PRDM11: variants seen among roughly 807,000 people sequenced by gnomAD.
PRDM11 encodes the protein PR domain-containing protein 11.
In PRDM11, 20 loss-of-function variants were observed where a neutral mutation model predicts 97.8. That is an observed-to-expected ratio of 0.20 (90% CI 0.14 to 0.30). PRDM11 has a LOEUF of 0.30. PRDM11 is among the 10% of genes least tolerant of loss of function. The pLI, the probability that PRDM11 is intolerant of heterozygous loss-of-function variation, is 1.00. For missense variants in PRDM11, 1,139 were observed against 1,555.2 expected, an observed-to-expected ratio of 0.73 and a Z score of 4.50; for synonymous variants, 599 against 637.7, an observed-to-expected ratio of 0.94 and a Z score of 0.91.
chr11:45,114,536 C>T (rs1446987300), intron 1 of PRDM11, among the ~76,000 whole-genome samples: 1 of 152,046 alleles, frequency 6.6e-6, no homozygotes, highest in African/African-American at 2.4e-5. Context: ...GATAAACTGT[C>T]CCAAACTTGG....
intron 1 of PRDM11, among the ~76,000 whole-genome samples, chr11:45,176,946 G>A (rs1852340931): frequency 6.6e-6 from 1 of 152,244 alleles, no homozygotes; most frequent in Admixed American, 6.5e-5. Flanking sequence ...AGCACAGCCA[G>A]AACTGAGACC....
intron 1 of PRDM11, among the ~76,000 whole-genome samples, chr11:45,119,660 G>A (rs906451472): frequency 6.2e-4 from 89 of 143,692 alleles, no homozygotes; most frequent in African/African-American, 2.3e-3. Context: ...CACCTGGTAA[G>A]GCCATACCAG....
chr11:45,201,014 G>A (rs1032122805), intron 4 of PRDM11, among the ~76,000 whole-genome samples: 10 of 152,148 alleles, frequency 6.6e-5, no homozygotes, highest in African/African-American at 2.4e-4. Context: ...GTGATGGTGA[G>A]GCAATGTGCC....
intron 1 of PRDM11, among the ~76,000 whole-genome samples, chr11:45,178,501 C>T (rs1852385307): frequency 6.6e-6 from 1 of 152,240 alleles, no homozygotes; most frequent in African/African-American, 2.4e-5. Context: ...ACTACCTGCT[C>T]TGCCTGGCGG....
chr11:45,161,984 TGA>T (rs549249386), intron 1 of PRDM11, among the ~76,000 whole-genome samples: 149 of 152,360 alleles, frequency 9.8e-4, no homozygotes, highest in African/African-American at 3.5e-3. Context: ...TTCTTTTTCA[TGA>T]GGCGACCTAA....
Position 45,227,924 on chromosome 11 carries a change from A to G in PRDM11, c.3299A>G (p.Lys1100Arg), listed in dbSNP as rs1854315731. 1 of 1,533,934 alleles carries G rather than the reference A, an allele frequency of 6.5e-7. No individual in the cohort carries two copies. Among genetic ancestry groups the G allele is most frequent in the African/African-American group, 1.4e-5 (1 of 73,094 alleles). ...CGCAATGCCCTCCAGCGAGTTCGCA[A>G]AAACCACCGCTCCCGCCTGACCCTG... ...KGRNALQRVR[K>R]NHRSRLTLEQ... The change falls in exon 8 of 8, where the codon AAA becomes AGA. Residue 1100 changes from lysine to arginine, a missense_variant. By Grantham distance (26) the Lys-to-Arg change is conservative. Coordinates refer to ENST00000683152, the MANE Select transcript of PRDM11 (RefSeq NM_001384648.1). This position sits in a 1 kb window ranked among gnomAD's most constrained non-coding sequence, Gnocchi z 8.0.
intron 4 of PRDM11, among the ~76,000 whole-genome samples, chr11:45,191,914 G>A (rs1852927340): frequency 6.6e-6 from 1 of 152,028 alleles, no homozygotes; most frequent in Non-Finnish European, 1.5e-5. Context: ...ATGTGCCATG[G>A]TGGTTTGCTG....
At chr11:45,164,245 C>A (rs2129679) in intron 1 of PRDM11, among the ~76,000 whole-genome samples, 1 of 152,176 alleles carries the variant, frequency 6.6e-6, no homozygotes, top group Non-Finnish European at 1.5e-5. Flanking sequence ...TCAGGGAAAG[C>A]GCTGGAAGCC....
intron 1 of PRDM11, among the ~76,000 whole-genome samples, chr11:45,117,829 G>C (rs944056289): frequency 6.6e-6 from 1 of 152,154 alleles, no homozygotes; most frequent in Non-Finnish European, 1.5e-5. Context: ...ACTTCGTTCC[G>C]ACGAGTACAG....
Position 45,121,368 on chromosome 11 carries a change from T to C in PRDM11, c.96+25467T>C, listed in dbSNP as rs531068112. Among the ~76,000 whole-genome samples the C allele has an allele frequency of 5.9e-5, 9 of 152,292 alleles. No individual in the cohort carries two copies. In the South Asian group the frequency reaches 1.9e-3, roughly 32 times the overall value. ...AAAAGCTGGTGTGGTTATATTACTA[T>C]CTGATAAAGTAGACTTAAAGAAGTA... is the stretch of plus-strand genomic sequence containing the variant. On this transcript the variant is annotated intron_variant, in intron 1 of 6. Transcript: ENST00000530656.
chr11:45,225,402 G>A (rs1388773003), intron 7 of PRDM11, among the ~76,000 whole-genome samples: 7 of 152,190 alleles, frequency 4.6e-5, no homozygotes, highest in African/African-American at 1.7e-4. Context: ...TCTAGAGTTG[G>A]TTGACAACTA....
chr11:45,221,457 ACC>A (rs757567752), intron 6 of PRDM11, among the ~76,000 whole-genome samples: 3 of 152,190 alleles, frequency 2.0e-5, no homozygotes, highest in Non-Finnish European at 4.4e-5. Flanking sequence ...AGAAAAGAAA[ACC>A]CAGAGAAATC....
chr11:45,100,546 G>A (rs941275093), intron 1 of PRDM11, among the ~76,000 whole-genome samples: 31 of 152,196 alleles, frequency 2.0e-4, no homozygotes, highest in African/African-American at 7.5e-4. Flanking sequence ...CCCACCCACT[G>A]GTGCTCATCA....
At chr11:45,145,247 T>TCA (rs1365878315), upstream of PRDM11, among the ~76,000 whole-genome samples, 1 of 152,152 alleles carries the variant, frequency 6.6e-6, no homozygotes, top group Non-Finnish European at 1.5e-5. Context: ...TTGCTCCAGA[T>TCA]CACACAGCCA....
At position 45,219,883 on chromosome 11, in the gene PRDM11, G is replaced by T; in HGVS notation, c.742+126G>T. On this transcript the variant is annotated intron_variant, in intron 6 of 7. Transcript: ENST00000683152. This position sits in a 1 kb window ranked among gnomAD's most constrained non-coding sequence, Gnocchi z 4.2. ...TGGGAAGACCCAGAGTGATTCGGGG[G>T]AACAGATGGTTGAGGTCTGAGCAGC... 2 of 1,195,898 alleles carry T rather than the reference G, an allele frequency of 1.7e-6. No homozygotes were observed. Among genetic ancestry groups the T allele is most frequent in the Non-Finnish European group, 2.3e-6 (2 of 877,286 alleles). 74.1% of individuals were successfully genotyped at this position (1,195,898 alleles called of 1,614,324 possible).
At chr11:45,200,745 G>T (rs546622646) in intron 4 of PRDM11, among the ~76,000 whole-genome samples, 1 of 152,326 alleles carries the variant, frequency 6.6e-6, no homozygotes, top group East Asian at 1.9e-4. Flanking sequence ...GCAGACTGGA[G>T]CATCACTTGG....
chr11:45,158,307 T>C (rs1462056761), intron 1 of PRDM11, among the ~76,000 whole-genome samples: 3 of 152,050 alleles, frequency 2.0e-5, no homozygotes, highest in Non-Finnish European at 4.4e-5. Flanking sequence ...TGGAAGCGCC[T>C]CTCCTGCCTG....
chr11:45,224,185 C>A, intron 6 of PRDM11, 32 bp from the exon 7 acceptor site: 3 of 1,532,084 alleles, frequency 2.0e-6, no homozygotes, highest in South Asian at 1.3e-5. Context: ...GGGGTTTTCC[C>A]CATTTCCTTA....
intron 1 of PRDM11, among the ~76,000 whole-genome samples, chr11:45,120,975 A>C (rs1369966426): frequency 6.6e-6 from 1 of 152,190 alleles, no homozygotes; most frequent in Non-Finnish European, 1.5e-5. Flanking sequence ...TGCAACCTTA[A>C]GGTAGACTGT....
Sources: allele counts gnomAD v4.1 joint callset (sites outside exome capture counted in the v4.1 genomes callset), GRCh38; gene constraint gnomAD v4.1.1; non-coding constraint Gnocchi (gnomAD v3.1); transcripts MANE v1.5; gene names NCBI Gene and HGNC (gene_info 2026-07-23, HGNC 2026-07-21).